FAM234A: variants seen among roughly 807,000 people sequenced by gnomAD.
The protein encoded by FAM234A is family with sequence similarity 234 member A.
FAM234A carries 42 observed loss-of-function variants against 49.1 expected under a neutral mutation model. That is an observed-to-expected ratio of 0.86 (90% confidence interval 0.67 to 1.11). The LOEUF is 1.11. FAM234A is among the 50% of genes least tolerant of loss of function. FAM234A has a pLI of 0.00. For synonymous variants in FAM234A, 369 were observed against 316.2 expected (o/e 1.17, Z -1.77); for missense variants, 815 against 745.2 (o/e 1.09, Z -1.09).
chr16:264,678 A>T lies in FAM234A; in HGVS notation c.1409A>T (p.Glu470Val). The T allele has an allele frequency of 6.2e-7, 1 of 1,612,114 alleles. No homozygotes were observed. Among genetic ancestry groups the T allele is most frequent in the Non-Finnish European group, 8.5e-7 (1 of 1,179,942 alleles). Residue 470 changes from glutamate (E) to valine (V), a missense_variant, in exon 12 of 13, where the codon GAG becomes GTG. Glu to Val is a moderately radical substitution (Grantham distance 121). Coordinates refer to ENST00000399932, the MANE Select transcript of FAM234A (RefSeq NM_032039.4). ...FHPTLPRVLL[E>V]LANVSTHIVA... ...CCCACCCTGCCGCGCGTGCTGCTGG[A>T]GCTGGCCAATGTCTCTACCCACATT... is the stretch of plus-strand genomic sequence containing the variant.
chr16:245,101 C>T (rs1253186878), intron 1 of FAM234A, among the ~76,000 whole-genome samples: 2 of 151,998 alleles, frequency 1.3e-5, no homozygotes, highest in African/African-American at 2.4e-5. Context: ...GTGGCCCACA[C>T]TTTGGGAGGC....
In FAM234A at chr16:262,472, CCGGGA is replaced by C; in HGVS notation, c.891_895del (p.Gly298ArgfsTer7). ...GTGAAGGGTCTCTACGAGAAGGTGACCGGGAGCGGCGGCCCGTTCAAGAGTGACCC... is the reference window on the plus strand; with the variant it reads ...GTGAAGGGTCTCTACGAGAAGGTGACGCGGCGGCCCGTTCAAGAGTGACCC... On this transcript the variant is annotated frameshift_variant, in exon 8 of 13. Coordinates refer to ENST00000399932, the MANE Select transcript of FAM234A (RefSeq NM_032039.4). LOFTEE classifies it high-confidence loss of function. The C allele has an allele frequency of 6.2e-7, 1 of 1,612,274 alleles. No homozygotes were observed. The highest frequency in any genetic ancestry group is 8.5e-7 in the Non-Finnish European group (1 of 1,179,190).
At chr16:260,767 A>G (rs1177160383) in intron 5 of FAM234A, 1 of 400,918 alleles carries the variant, frequency 2.5e-6, no homozygotes, top group Non-Finnish European at 5.3e-6. Context: ...TATGGAGGAG[A>G]ATAAAGAGCA....
chr16:250,122 G>A (rs914617118), intron 2 of FAM234A, among the ~76,000 whole-genome samples: 3 of 152,146 alleles, frequency 2.0e-5, no homozygotes, highest in East Asian at 1.9e-4. Flanking sequence ...TAGTAGAGAC[G>A]GGGTTTCACC....
chr16:265,210 A>C lies in FAM234A; in HGVS notation c.*188A>C. ...CAGGGACCTGCATGGGTGAGGGGAC[A>C]CCCTGGGCCTCTCTCCCGCCCAGCA... is the stretch of plus-strand genomic sequence containing the variant. On this transcript the variant is annotated 3_prime_UTR_variant, in exon 13 of 13. Coordinates refer to ENST00000399932, the MANE Select transcript of FAM234A (RefSeq NM_032039.4). 7.2e-7 allele frequency: 1 copy of C among 1,397,678 alleles called. No homozygotes were observed. Among genetic ancestry groups the C allele is most frequent in the Non-Finnish European group, 9.3e-7 (1 of 1,079,742 alleles). 86.6% of individuals were successfully genotyped at this position (1,397,678 alleles called of 1,614,324 possible).
Position 262,476 on chromosome 16 carries a change from G to A in FAM234A, c.894G>A (p.Gly298=), listed in dbSNP as rs767749174. 3 of 1,612,350 alleles carry A rather than the reference G, an allele frequency of 1.9e-6. No individual in the cohort carries two copies. In the East Asian group the frequency reaches 6.7e-5, roughly 36 times the overall value. Residue 298 remains glycine (G), a synonymous_variant, in exon 8 of 13, where the codon GGG becomes GGA. Transcript: ENST00000399932. The part of the protein sequence containing the change: ...SVKGLYEKVT[G]SGGPFKSDPH... ...AGGGTCTCTACGAGAAGGTGACCGG[G>A]AGCGGCGGCCCGTTCAAGAGTGACC...
At position 260,014 on chromosome 16, in the gene FAM234A, AC is replaced by A. The variant is rs1380178544; in HGVS notation, c.432del (p.Asn144LysfsTer67). 6.2e-7 allele frequency: 1 copy of A among 1,609,842 alleles called. No homozygotes were observed. Among genetic ancestry groups the A allele is most frequent in the African/African-American group, 1.3e-5 (1 of 75,022 alleles). ...TTTGCAGCTGCTGTGTCGGGGGCCAACGGCAGCACGCTCTGGGAGAGACCTG... is the reference window on the plus strand; with the variant it reads ...TTTGCAGCTGCTGTGTCGGGGGCCAAGGCAGCACGCTCTGGGAGAGACCTG... ...CTFAAAVSGANGSTLWERPVA... is the reference protein window; with the variant it reads ...CTFAAAVSGAXGSTLWERPVA... On this transcript the variant is annotated frameshift_variant, in exon 5 of 13. Coordinates refer to ENST00000399932, the MANE Select transcript of FAM234A (RefSeq NM_032039.4). LOFTEE classifies it high-confidence loss of function.
At chr16:241,660 G>A (rs2050617832) in intron 1 of FAM234A, among the ~76,000 whole-genome samples, 1 of 152,062 alleles carries the variant, frequency 6.6e-6, no homozygotes, top group Non-Finnish European at 1.5e-5. Flanking sequence ...GCTCAGGCCT[G>A]TAATCCCAGC....
intron 1 of FAM234A, among the ~76,000 whole-genome samples, chr16:238,121 C>T (rs909134403): frequency 6.6e-6 from 1 of 152,088 alleles, no homozygotes; most frequent in Non-Finnish European, 1.5e-5. Flanking sequence ...CAGGTTCAAG[C>T]GATTCTCCTG....
At chr16:236,281 T>C (rs1038944918) in intron 1 of FAM234A, among the ~76,000 whole-genome samples, 1 of 150,500 alleles carries the variant, frequency 6.6e-6, no homozygotes, top group Non-Finnish European at 1.5e-5. Context: ...TGCTCCACCC[T>C]CCTGAGTATC....
At position 259,476 on chromosome 16, in the gene FAM234A, C is replaced by T. The variant is rs2051370104; in HGVS notation, c.269-7C>T. The stretch of plus-strand genomic sequence containing the variant: ...CGCGGAGTATAGTCTGTGGTTTTCT[C>T]TTTCAGTTATCTATGACTTTCTGGC... On this transcript the variant is annotated splice_region_variant and splice_polypyrimidine_tract_variant and intron_variant, in intron 3 of 12. Coordinates refer to ENST00000399932, the MANE Select transcript of FAM234A (RefSeq NM_032039.4). 6.5e-7 allele frequency: 1 copy of T among 1,534,096 alleles called. No homozygotes were observed. The highest frequency in any genetic ancestry group is 9.0e-7 in the Non-Finnish European group (1 of 1,107,700).
chr16:255,633 CT>C (rs921389306), intron 3 of FAM234A, among the ~76,000 whole-genome samples: 1 of 152,188 alleles, frequency 6.6e-6, no homozygotes, highest in Non-Finnish European at 1.5e-5. Context: ...TCTCCTAGCC[CT>C]GGGCAACCTA....
intron 1 of FAM234A, among the ~76,000 whole-genome samples, chr16:239,876 G>T (rs1447809007): frequency 1.3e-5 from 2 of 152,154 alleles, no homozygotes; most frequent in African/African-American, 4.8e-5. Context: ...TGCATGTGCT[G>T]TGATACTTTT....
At chr16:269,839 C>T (rs979216312), downstream of FAM234A, 11 of 451,694 alleles carry the variant, frequency 2.4e-5, no homozygotes, top group South Asian at 1.7e-4. Context: ...AGGAATAAAC[C>T]GCGGCACCTC....
chr16:269,385 T>C (rs1376690217), downstream of FAM234A: 4 of 1,599,944 alleles, frequency 2.5e-6, no homozygotes, highest in East Asian at 4.5e-5. Context: ...GGGAACACGC[T>C]GTGGGCGAGA....
chr16:263,581 T>C, intron 9 of FAM234A, 119 bp from the exon 10 acceptor site: 1 of 1,265,330 alleles, frequency 7.9e-7, no homozygotes. Flanking sequence ...CTCCGTGTCC[T>C]GGGCCCTGGT....
chr16:256,020 CCTTAA>C (rs1287231296), intron 3 of FAM234A, among the ~76,000 whole-genome samples: 3 of 152,214 alleles, frequency 2.0e-5, no homozygotes, highest in African/African-American at 7.2e-5. Flanking sequence ...AGTGTGACTT[CCTTAA>C]CTTAGCGTGA....
At position 242,531 on chromosome 16, in the gene FAM234A, A is replaced by G. The variant is rs868461226; in HGVS notation, c.-139-7018A>G. On this transcript the variant is annotated intron_variant, in intron 1 of 12. Coordinates refer to ENST00000399932, the MANE Select transcript of FAM234A (RefSeq NM_032039.4). ...GGGCTTACTGATAGTTCTGTAGGCCAGGGGAATAATCCGTTTGAATAACCA... is the reference window on the plus strand; with the variant it reads ...GGGCTTACTGATAGTTCTGTAGGCCGGGGGAATAATCCGTTTGAATAACCA... Among the ~76,000 whole-genome samples, 24 of 151,808 alleles carry G rather than the reference A, an allele frequency of 1.6e-4. No homozygotes were observed. The Middle Eastern group carries it at 0.014, about 86-fold the overall frequency.
At chr16:244,949 C>A (rs1384988786) in intron 1 of FAM234A, among the ~76,000 whole-genome samples, 1 of 151,942 alleles carries the variant, frequency 6.6e-6, no homozygotes, top group African/African-American at 2.4e-5. Context: ...GCCTCAGCCT[C>A]CCAACGTGCT....
Sources: allele counts gnomAD v4.1 joint callset (sites outside exome capture counted in the v4.1 genomes callset), GRCh38; gene constraint gnomAD v4.1.1; transcripts MANE v1.5; gene names NCBI Gene and HGNC (gene_info 2026-07-23, HGNC 2026-07-21).